ZFHX3: variants seen among roughly 807,000 people sequenced by gnomAD.
ZFHX3 encodes the protein zinc finger homeobox 3, also known as zinc finger homeobox protein 3.
Under a neutral mutation model 279.1 loss-of-function variants are expected in ZFHX3, and 42 were observed. The observed-to-expected ratio is 0.15, with a 90% CI of 0.12 to 0.19. The LOEUF is 0.19. Among genes scored for constraint, ZFHX3 ranks in the 10% least tolerant of loss-of-function variants. The pLI is 1.00. For missense variants in ZFHX3, 4,981 were observed against 4,754.0 expected, an observed-to-expected ratio of 1.05 and a Z score of -1.40; for synonymous variants, 2,293 against 1,957.8, an observed-to-expected ratio of 1.17 and a Z score of -4.52.
At chr16:73,532,315 C>T (rs1365894434) in intron 2 of ZFHX3, among the ~76,000 whole-genome samples, 2 of 152,202 alleles carry the variant, frequency 1.3e-5, no homozygotes, top group African/African-American at 4.8e-5. Flanking sequence ...AGACCCTTTT[C>T]GTTTGGCTCT....
intron 5 of ZFHX3, among the ~76,000 whole-genome samples, chr16:72,824,842 C>T (rs961489345): frequency 1.3e-5 from 2 of 152,226 alleles, no homozygotes; most frequent in African/African-American, 4.8e-5. Context: ...TTCGAGAATA[C>T]ACACATTCAA....
chr16:72,988,721 A>C (rs988210001), intron 1 of ZFHX3, among the ~76,000 whole-genome samples: 2 of 152,270 alleles, frequency 1.3e-5, no homozygotes, highest in African/African-American at 4.8e-5. Flanking sequence ...GTGTCAACAC[A>C]ATAAATAATT....
chr16:73,080,994 G>A (rs1424408222), intron 8 of ZFHX3, among the ~76,000 whole-genome samples: 1 of 152,162 alleles, frequency 6.6e-6, no homozygotes, highest in African/African-American at 2.4e-5. Flanking sequence ...TGGGTTTTCA[G>A]GTCCAAGGTC....
intron 3 of ZFHX3, among the ~76,000 whole-genome samples, chr16:72,925,089 G>A (rs1381204280): frequency 6.6e-6 from 1 of 152,214 alleles, no homozygotes; most frequent in African/African-American, 2.4e-5. Context: ...CAATGCCAGT[G>A]ATACCTGGAT....
intron 5 of ZFHX3, among the ~76,000 whole-genome samples, chr16:73,241,202 A>G (rs1430753082): frequency 1.3e-5 from 2 of 152,236 alleles, no homozygotes; most frequent in Admixed American, 1.3e-4. Flanking sequence ...AGGATTATAC[A>G]TGATAGTCTG....
chr16:73,265,950 T>C (rs1042577335), intron 4 of ZFHX3, among the ~76,000 whole-genome samples: 4 of 152,208 alleles, frequency 2.6e-5, no homozygotes, highest in Non-Finnish European at 4.4e-5. Context: ...ATCGATTTCA[T>C]CTTCCAGCAG....
intron 5 of ZFHX3, among the ~76,000 whole-genome samples, chr16:73,225,215 C>CT (rs1029968581): frequency 6.6e-6 from 1 of 151,962 alleles, no homozygotes; most frequent in South Asian, 2.1e-4. Context: ...TTAAAGAATC[C>CT]TTTTTTTGGG....
intron 5 of ZFHX3, among the ~76,000 whole-genome samples, chr16:72,827,008 G>A (rs1234671318): frequency 6.6e-6 from 1 of 152,206 alleles, no homozygotes; most frequent in Admixed American, 6.5e-5. Context: ...TGGTTGGAAG[G>A]ATTAGAGAGG....
intron 3 of ZFHX3, among the ~76,000 whole-genome samples, chr16:72,943,702 T>C (rs1007466392): frequency 6.6e-6 from 1 of 152,124 alleles, no homozygotes; most frequent in Admixed American, 6.5e-5. Flanking sequence ...CGTCACTTAC[T>C]GGGGAAGGAT....
chr16:73,297,695 C>T (rs2143120254), intron 4 of ZFHX3, among the ~76,000 whole-genome samples: 1 of 152,074 alleles, frequency 6.6e-6, no homozygotes, highest in South Asian at 2.1e-4. Context: ...TGCTGATGAG[C>T]TTTGGAGATA....
chr16:72,803,755 C>A (rs1357581345), intron 7 of ZFHX3, among the ~76,000 whole-genome samples: 2 of 152,136 alleles, frequency 1.3e-5, no homozygotes, highest in Admixed American at 6.5e-5. Flanking sequence ...AAATTATATC[C>A]CCCACTCTAT....
intron 3 of ZFHX3, among the ~76,000 whole-genome samples, chr16:72,948,742 C>A (rs1374415986): frequency 2.0e-5 from 3 of 152,296 alleles, no homozygotes; most frequent in East Asian, 3.9e-4. Flanking sequence ...TTGCATGCAA[C>A]CTTCAATGGC....
chr16:72,835,315 G>C (rs2143752904), intron 4 of ZFHX3, among the ~76,000 whole-genome samples: 1 of 152,218 alleles, frequency 6.6e-6, no homozygotes, highest in East Asian at 1.9e-4. Context: ...GATGTGCACA[G>C]ACACCCACTT....
chr16:73,801,335 T>C (rs994932093), intron 1 of ZFHX3, among the ~76,000 whole-genome samples: 5 of 152,200 alleles, frequency 3.3e-5, no homozygotes, highest in Non-Finnish European at 5.9e-5. Context: ...GACCAATACA[T>C]ATTTTCTGAA....
In ZFHX3 at chr16:73,589,733, C is replaced by CAA. The variant is rs59777135; in HGVS notation, c.-1547+90445_-1547+90446dup. 6.4e-4 allele frequency among the ~76,000 whole-genome samples: 19 copies of CAA among 29,590 alleles called. 6 individuals carry two copies. Among genetic ancestry groups the CAA allele is most frequent in the East Asian group, 3.7e-3 (2 of 536 alleles). The allele number at this position is 29,590 out of a possible 152,430, so 19.4% of individuals were successfully genotyped here. A position where few individuals can be genotyped will look rare whatever the true frequency, so the allele number is the denominator to read the frequency against. On this transcript the variant is annotated intron_variant, in intron 2 of 17. Transcript: ENST00000641206. The stretch of plus-strand genomic sequence containing the variant: ...TGGGTGACAGAGCGAGACTCCGTCT[C>CAA]AAAAAAAAAAAAAAAAAAAAAAAAA...
chr16:73,889,081 AT>A (rs1199662904), intron 1 of ZFHX3, among the ~76,000 whole-genome samples: 1 of 152,204 alleles, frequency 6.6e-6, no homozygotes, highest in Non-Finnish European at 1.5e-5. Flanking sequence ...ATTGATACGG[AT>A]GCCTAATGAT....
At chr16:73,035,318 T>C (rs1964860199) in intron 1 of ZFHX3, among the ~76,000 whole-genome samples, 1 of 152,234 alleles carries the variant, frequency 6.6e-6, no homozygotes, top group Non-Finnish European at 1.5e-5. Context: ...ATTACCTACG[T>C]GGCTTACACT....
At chr16:73,345,151 C>T (rs184609182) in intron 3 of ZFHX3, among the ~76,000 whole-genome samples, 42 of 152,142 alleles carry the variant, frequency 2.8e-4, no homozygotes, top group East Asian at 2.5e-3. Flanking sequence ...TCTTTTTATA[C>T]GGAAATATTA....
intron 2 of ZFHX3, among the ~76,000 whole-genome samples, chr16:73,650,430 T>C (rs1204540877): frequency 2.0e-5 from 3 of 152,006 alleles, no homozygotes; most frequent in Non-Finnish European, 2.9e-5. Flanking sequence ...GAGTAAGTGC[T>C]ACCCCCAGCC....
Sources: allele counts gnomAD v4.1 joint callset (sites outside exome capture counted in the v4.1 genomes callset), GRCh38; gene constraint gnomAD v4.1.1; transcripts MANE v1.5; gene names NCBI Gene and HGNC (gene_info 2026-07-23, HGNC 2026-07-21).